The following PREX1 variants were observed in gnomAD, a reference collection of about 807,000 sequenced individuals.
The protein encoded by PREX1 is phosphatidylinositol-3,4,5-trisphosphate dependent Rac exchange factor 1, also known as phosphatidylinositol 3,4,5-trisphosphate-dependent Rac exchanger 1 protein.
A neutral mutation model predicts 198.3 loss-of-function variants in PREX1; 41 were observed. The ratio of observed to expected loss-of-function variants is 0.21; its 90% CI spans 0.16 to 0.27. The LOEUF is 0.27. Among genes scored for constraint, PREX1 ranks in the 10% least tolerant of loss-of-function variants. The pLI, the probability that PREX1 is intolerant of heterozygous loss-of-function variation, is 1.00. For synonymous variants in PREX1, 843 were observed against 887.2 expected (o/e 0.95, Z 0.89); for missense variants, 1,620 against 2,200.7 (o/e 0.74, Z 5.28).
intron 1 of PREX1, among the ~76,000 whole-genome samples, chr20:48,807,467 T>G (rs1470091984): frequency 6.6e-6 from 1 of 152,208 alleles, no homozygotes; most frequent in Non-Finnish European, 1.5e-5. Flanking sequence ...ACAACCATCC[T>G]AATGAGACTT....
In PREX1 at chr20:48,708,385, G is replaced by A; in HGVS notation, c.658C>T (p.His220Tyr). The A allele has an allele frequency of 6.2e-7, 1 of 1,614,146 alleles. No homozygotes were observed. The highest frequency in any genetic ancestry group is 8.5e-7 in the Non-Finnish European group (1 of 1,180,032). ...TGCAGGGCACTCTGGACCGCGGGGT[G>A]GTCTGGGTGCTTGCCGGGAGTCCTC... ...AKRTPGKHPD[H>Y]PAVQSALQAM... The change falls in exon 6 of 40, where the codon CAC (histidine) becomes TAC (tyrosine). Residue 220 changes from histidine to tyrosine, a missense_variant. Transcript: ENST00000371941.
At chr20:48,705,369 A>G (rs2089898270) in intron 6 of PREX1, among the ~76,000 whole-genome samples, 1 of 152,232 alleles carries the variant, frequency 6.6e-6, no homozygotes, top group Non-Finnish European at 1.5e-5. Flanking sequence ...AAAAACACAC[A>G]TATGGGAGAT....
Position 48,823,428 on chromosome 20 carries a change from G to A in PREX1, c.219+4214C>T, listed in dbSNP as rs543066225. On this transcript the variant is annotated intron_variant, in intron 1 of 39. Transcript: ENST00000371941. ...GCAAGCTTCACCACATCCCTGTGAC[G>A]CAGGTGCTACACTGTGCCCGTTGGA... Among the ~76,000 whole-genome samples, 24 of 152,280 alleles carry A rather than the reference G, an allele frequency of 1.6e-4. No individual in the cohort carries two copies. In the East Asian group the frequency reaches 1.7e-3, roughly 11 times the overall value.
At chr20:48,726,178 C>T (rs1001072640) in intron 5 of PREX1, 112 bp downstream of exon 5, 1 of 850,000 alleles carries the variant, frequency 1.2e-6, no homozygotes, top group East Asian at 2.7e-5. Flanking sequence ...TAAATCCAGC[C>T]CGGCCCAAAG....
intron 1 of PREX1, among the ~76,000 whole-genome samples, chr20:48,785,428 T>C (rs2122939252): frequency 6.6e-6 from 1 of 152,336 alleles, no homozygotes; most frequent in African/African-American, 2.4e-5. Flanking sequence ...TGAGCGCCAC[T>C]GGTACCTCCA....
intron 9 of PREX1, among the ~76,000 whole-genome samples, chr20:48,690,464 C>A (rs1198047224): frequency 6.6e-6 from 1 of 152,144 alleles, no homozygotes; most frequent in Non-Finnish European, 1.5e-5. Flanking sequence ...TGCCTCCACA[C>A]AGTTGTTGCA....
intron 30 of PREX1, among the ~76,000 whole-genome samples, chr20:48,638,174 G>A (rs1007464136): frequency 6.6e-6 from 1 of 151,856 alleles, no homozygotes. Context: ...ATACTCATAC[G>A]TAGACTCACA....
chr20:48,803,323 T>C (rs2090395857), intron 1 of PREX1, among the ~76,000 whole-genome samples: 1 of 151,516 alleles, frequency 6.6e-6, no homozygotes, highest in Admixed American at 6.6e-5. Context: ...CAAAATAGGA[T>C]CCAAGAAGCT....
chr20:48,636,585 G>A lies in PREX1; in HGVS notation c.4045C>T (p.Arg1349Cys), dbSNP rs6019331. 6.4e-4 allele frequency: 1,026 copies of A among 1,611,756 alleles called. 6 individuals are homozygous for A. The African/African-American group carries it at 0.012, about 19-fold the overall frequency. ...SKQLLAALGY[R>C]YNNNGEYEES... ...TCGTACTCGCCATTGTTGTTGTAGC[G>A]GTAGCCCAGGGCCGCCAGCAGCTGC... Residue 1349 changes from arginine (R) to cysteine (C), a missense_variant, in exon 32 of 40, where the codon CGC (arginine) becomes TGC (cysteine). By Grantham distance (180) the Arg-to-Cys change is radical. Coordinates refer to ENST00000371941, the MANE Select transcript of PREX1 (RefSeq NM_020820.4).
chr20:48,681,364 G>C, intron 10 of PREX1, 29 bp from the exon 11 acceptor site: 3 of 1,606,152 alleles, frequency 1.9e-6, no homozygotes, highest in Non-Finnish European at 2.6e-6. Flanking sequence ...GTGGTTGAGA[G>C]GATTTCCCCA....
At chr20:48,673,142 C>T (rs2089687112) in intron 14 of PREX1, among the ~76,000 whole-genome samples, 1 of 152,230 alleles carries the variant, frequency 6.6e-6, no homozygotes. Flanking sequence ...GCAGTGGGGG[C>T]TGCCTGAGGT....
chr20:48,628,166 C>G (rs1337522936), intron 37 of PREX1, among the ~76,000 whole-genome samples: 5 of 152,206 alleles, frequency 3.3e-5, no homozygotes, highest in African/African-American at 1.2e-4. Flanking sequence ...GCAGCCACCA[C>G]CCTCACTGGC....
chr20:48,633,996 T>C (rs1229494733), intron 33 of PREX1, among the ~76,000 whole-genome samples: 2 of 151,304 alleles, frequency 1.3e-5, no homozygotes, highest in Non-Finnish European at 3.0e-5. Context: ...GTTGGATGGA[T>C]GGATGGATGG....
chr20:48,775,007 C>T (rs532731900), intron 1 of PREX1, among the ~76,000 whole-genome samples: 2 of 152,342 alleles, frequency 1.3e-5, no homozygotes, highest in East Asian at 3.9e-4. Context: ...GAGACAGGAA[C>T]CTGCTTCCAG....
chr20:48,624,471 A>C lies in PREX1; in HGVS notation c.*1414T>G, dbSNP rs976221836. ...CGTGTATGCTGCGGCAAGAGAGGGA[A>C]GCGCACCCTGGAGGGCGGGAGGCTC... On this transcript the variant is annotated 3_prime_UTR_variant, in exon 40 of 40. Transcript: ENST00000371941. 3 of 152,584 alleles carry C rather than the reference A, an allele frequency of 2.0e-5. No homozygotes were observed. Among genetic ancestry groups the C allele is most frequent in the African/African-American group, 7.2e-5 (3 of 41,458 alleles). The allele number at this position is 152,584 out of a possible 1,614,324, so 9.5% of individuals were successfully genotyped here. A position where few individuals can be genotyped will look rare whatever the true frequency, so the allele number is the denominator to read the frequency against.
chr20:48,694,713 T>C (rs1487995954), intron 7 of PREX1, among the ~76,000 whole-genome samples: 3 of 152,124 alleles, frequency 2.0e-5, no homozygotes, highest in Non-Finnish European at 2.9e-5. Context: ...AAATAGGAGA[T>C]AGGCTGAGGA....
the PREX1 span, among the ~76,000 whole-genome samples, chr20:48,849,817 TG>T: frequency 1.3e-5 from 2 of 151,238 alleles, no homozygotes; most frequent in African/African-American, 4.9e-5. Context: ...TGGTGGGGAG[TG>T]GGGGGGAATA....
chr20:48,685,188 G>A (rs1568823357), intron 10 of PREX1, among the ~76,000 whole-genome samples: 1 of 152,172 alleles, frequency 6.6e-6, no homozygotes, highest in Non-Finnish European at 1.5e-5. Context: ...CACATAGCAG[G>A]GACTCGGTAA....
At chr20:48,862,780 T>TAAAAAA in the PREX1 span, among the ~76,000 whole-genome samples, 2,192 of 99,098 alleles carry the variant, frequency 0.022, 85 homozygotes, top group African/African-American at 0.038. Flanking sequence ...TAAAAAAGCC[T>TAAAAAA]AAAAAAAAAA....
Sources: gnomAD v4.1 joint callset for allele counts (sites outside exome capture counted in the v4.1 genomes callset) on GRCh38, gnomAD v4.1.1 for gene constraint, MANE v1.5 for transcripts, NCBI Gene and HGNC (gene_info 2026-07-23, HGNC 2026-07-21) for gene names.